The following ANK3 variants were observed in gnomAD, a reference collection of about 807,000 sequenced individuals.
ANK3 encodes the protein ankyrin 3.
Under a neutral mutation model 370.9 loss-of-function variants are expected in ANK3, and 57 were observed. The observed-to-expected ratio is 0.15, with a 90% confidence interval of 0.12 to 0.19. The LOEUF is 0.19. ANK3 is among the 10% of genes least tolerant of loss of function. The pLI is 1.00. For synonymous variants in ANK3, 1,929 were observed against 1,946.3 expected, an observed-to-expected ratio of 0.99 and a Z score of 0.23; for missense variants, 4,439 against 5,302.1, an observed-to-expected ratio of 0.84 and a Z score of 5.06.
chr10:60,576,717 C>T (rs1403229300), intron 2 of ANK3, among the ~76,000 whole-genome samples: 1 of 152,200 alleles, frequency 6.6e-6, no homozygotes, highest in Non-Finnish European at 1.5e-5. Flanking sequence ...GTTTAAAATA[C>T]TTGTAAAAGT....
At chr10:60,513,754 CAG>C (rs2076147373) in intron 2 of ANK3, among the ~76,000 whole-genome samples, 1 of 152,078 alleles carries the variant, frequency 6.6e-6, no homozygotes, top group South Asian at 2.1e-4. Flanking sequence ...ACATGTTTAA[CAG>C]ACATTCTTAT....
intron 2 of ANK3, among the ~76,000 whole-genome samples, chr10:60,466,370 C>T (rs1380920687): frequency 2.0e-5 from 3 of 152,098 alleles, no homozygotes; most frequent in East Asian, 1.9e-4. Flanking sequence ...ATGCCAATAA[C>T]GCCCTAATCA....
chr10:60,076,309 T>C lies in ANK3; in HGVS notation c.4572A>G (p.Leu1524=), dbSNP rs1444909869. Residue 1524 remains leucine (L), a synonymous_variant, in exon 37 of 44, where the codon TTA becomes TTG. Transcript: ENST00000280772. ...ATGGCGTATTAGAGGAAGAACTTGA[T>C]AAGGAAGTGAAGCCTGACTTGGCTG... ...PGPAKSGFTS[L]SSSSSNTPSA... is the part of the protein sequence containing the mutation. 1.2e-6 allele frequency: 2 copies of C among 1,614,070 alleles called. No homozygotes were observed. Among genetic ancestry groups the C allele is most frequent in the Non-Finnish European group, 1.7e-6 (2 of 1,179,980 alleles).
chr10:60,315,646 T>C (rs2047250845), intron 1 of ANK3, among the ~76,000 whole-genome samples: 1 of 152,198 alleles, frequency 6.6e-6, no homozygotes, highest in Non-Finnish European at 1.5e-5. Flanking sequence ...AATGTTTTGG[T>C]AAAATTTAAT....
intron 1 of ANK3, among the ~76,000 whole-genome samples, chr10:60,652,644 T>C (rs1200797164): frequency 6.6e-6 from 1 of 150,598 alleles, no homozygotes; most frequent in East Asian, 1.9e-4. Context: ...GACACCAGCT[T>C]GTTTACCATA....
At chr10:60,512,390 T>C (rs888451972) in intron 2 of ANK3, among the ~76,000 whole-genome samples, 4 of 152,102 alleles carry the variant, frequency 2.6e-5, no homozygotes, top group Non-Finnish European at 4.4e-5. Flanking sequence ...GAAATGTTCA[T>C]CCAATTAGTG....
chr10:60,083,656 T>C (rs2085859059), intron 32 of ANK3, 39 bp from the exon 33 acceptor site: 5 of 1,507,660 alleles, frequency 3.3e-6, no homozygotes, highest in Non-Finnish European at 4.5e-6. Flanking sequence ...AATGTTAATC[T>C]GAGTTTAAAA....
intron 16 of ANK3, among the ~76,000 whole-genome samples, chr10:60,191,035 A>G (rs2096468031): frequency 6.6e-6 from 1 of 152,154 alleles, no homozygotes; most frequent in African/African-American, 2.4e-5. Flanking sequence ...TAGCCAGATG[A>G]AGGAGAATGA....
Position 60,075,322 on chromosome 10 carries a change from C to A in ANK3, c.5559G>T (p.Leu1853=), listed in dbSNP as rs747036822. The A allele has an allele frequency of 1.2e-6, 2 of 1,614,134 alleles. No individual in the cohort carries two copies. Among genetic ancestry groups the A allele is most frequent in the African/African-American group, 2.7e-5 (2 of 75,044 alleles). The change falls in exon 37 of 44, where the codon CTG becomes CTT. Residue 1853 remains leucine, a synonymous_variant. Transcript: ENST00000280772. The stretch of plus-strand genomic sequence containing the variant: ...CCGTAGTCAATGTTTTAATGGGTGA[C>A]AGCAAGGCTGCTGCTGATTTTGTAA... ...NSFTKSAAAL[L]SPIKTLTTET...
At chr10:60,105,670 T>C (rs1436103041) in intron 28 of ANK3, among the ~76,000 whole-genome samples, 2 of 152,210 alleles carry the variant, frequency 1.3e-5, no homozygotes, top group Non-Finnish European at 2.9e-5. Flanking sequence ...TTGATGTATG[T>C]GATTAAAGAT....
chr10:60,157,274 T>C (rs1305491190), intron 23 of ANK3, among the ~76,000 whole-genome samples: 2 of 151,132 alleles, frequency 1.3e-5, no homozygotes, highest in African/African-American at 4.9e-5. Context: ...TGACCTCAGG[T>C]GATCTGCCTG....
chr10:60,697,666 T>C (rs1278854976), intron 1 of ANK3, among the ~76,000 whole-genome samples: 1 of 149,998 alleles, frequency 6.7e-6, no homozygotes, highest in Admixed American at 6.7e-5. Context: ...GGATTCCCTA[T>C]TTAATAAATG....
intron 7 of ANK3, among the ~76,000 whole-genome samples, chr10:60,242,487 G>A (rs1029518960): frequency 6.6e-6 from 1 of 152,130 alleles, no homozygotes; most frequent in Non-Finnish European, 1.5e-5. Context: ...GAATTGGGTA[G>A]GGGGAGAAAT....
intron 1 of ANK3, among the ~76,000 whole-genome samples, chr10:60,385,709 C>A (rs921581926): frequency 6.6e-6 from 1 of 151,992 alleles, no homozygotes; most frequent in Non-Finnish European, 1.5e-5. Flanking sequence ...CTGTGTCAGG[C>A]GCATGTATAG....
intron 43 of ANK3, among the ~76,000 whole-genome samples, chr10:60,033,102 T>C (rs2074065550): frequency 6.6e-6 from 1 of 152,230 alleles, no homozygotes; most frequent in South Asian, 2.1e-4. Flanking sequence ...TGTCTTGCTT[T>C]GGGTTTTGTA....
chr10:60,192,319 A>G (rs1010157029), intron 16 of ANK3, among the ~76,000 whole-genome samples: 8 of 148,350 alleles, frequency 5.4e-5, no homozygotes, highest in African/African-American at 1.5e-4. Context: ...GTATGTGTGT[A>G]TATATATATA....
At chr10:60,144,700 A>C (rs1388964503) in intron 23 of ANK3, among the ~76,000 whole-genome samples, 2 of 152,176 alleles carry the variant, frequency 1.3e-5, no homozygotes, top group Non-Finnish European at 2.9e-5. Flanking sequence ...AACAATACAA[A>C]ATAGAAACAG....
intron 1 of ANK3, among the ~76,000 whole-genome samples, chr10:60,732,181 T>A (rs1485452251): frequency 6.7e-6 from 1 of 149,246 alleles, no homozygotes; most frequent in Non-Finnish European, 1.5e-5. Flanking sequence ...GCCCACGATT[T>A]AAAAAAAAAA....
intron 2 of ANK3, among the ~76,000 whole-genome samples, chr10:60,447,709 T>C (rs764690129): frequency 6.6e-6 from 1 of 152,128 alleles, no homozygotes; most frequent in Non-Finnish European, 1.5e-5. Flanking sequence ...CCCTCTACCT[T>C]ATTCCTGTGA....
Sources: allele counts gnomAD v4.1 joint callset (sites outside exome capture counted in the v4.1 genomes callset), GRCh38; gene constraint gnomAD v4.1.1; transcripts MANE v1.5; gene names NCBI Gene and HGNC (gene_info 2026-07-23, HGNC 2026-07-21).